The following DYNC2H1 variants were observed in gnomAD, a reference collection of about 807,000 sequenced individuals.
The protein encoded by DYNC2H1 is dynein cytoplasmic 2 heavy chain 1.
DYNC2H1 carries 410 observed loss-of-function variants against 570.0 expected under a neutral mutation model. That is an observed-to-expected ratio of 0.72 (90% confidence interval 0.66 to 0.78). The LOEUF (loss-of-function observed/expected upper bound fraction) is 0.78. Ranked by LOEUF, DYNC2H1 falls within the 30% of genes least tolerant of loss-of-function variation. The probability of loss-of-function intolerance (pLI) is 0.00; values close to 1 mark genes in which losing one functional copy is unlikely to be tolerated. For synonymous variants in DYNC2H1, 1,688 were observed against 1,677.6 expected, an observed-to-expected ratio of 1.01 and a Z score of -0.15; for missense variants, 4,865 against 5,046.4, an observed-to-expected ratio of 0.96 and a Z score of 1.09.
At chr11:103,318,177 A>C (rs189998730) in intron 80 of DYNC2H1, among the ~76,000 whole-genome samples, 11 of 152,320 alleles carry the variant, frequency 7.2e-5, no homozygotes, top group Admixed American at 2.6e-4. Flanking sequence ...AAGTACTTAC[A>C]AGATTATGGC....
intron 84 of DYNC2H1, among the ~76,000 whole-genome samples, chr11:103,413,950 T>A (rs1380658971): frequency 6.6e-6 from 1 of 152,128 alleles, no homozygotes; most frequent in Non-Finnish European, 1.5e-5. Flanking sequence ...TTTTCATTCA[T>A]TTAGCAAATA....
intron 75 of DYNC2H1, among the ~76,000 whole-genome samples, chr11:103,296,201 G>T (rs1280292028): frequency 1.3e-5 from 2 of 152,064 alleles, no homozygotes; most frequent in South Asian, 4.2e-4. Flanking sequence ...TTGTATGAAG[G>T]TATTTTCTTG....
chr11:103,114,534 G>A (rs750520655), intron 3 of DYNC2H1, among the ~76,000 whole-genome samples: 4 of 152,138 alleles, frequency 2.6e-5, no homozygotes, highest in Non-Finnish European at 4.4e-5. Context: ...TGCCCAGGCT[G>A]GTGTCAAACT....
At chr11:103,471,923 C>T (rs570246639) in intron 88 of DYNC2H1, among the ~76,000 whole-genome samples, 5 of 152,294 alleles carry the variant, frequency 3.3e-5, no homozygotes, top group Admixed American at 2.6e-4. Flanking sequence ...CAGATGACCT[C>T]GCTGAGAGAG....
chr11:103,271,198 GT>G (rs1865697809), intron 70 of DYNC2H1, among the ~76,000 whole-genome samples: 1 of 152,174 alleles, frequency 6.6e-6, no homozygotes, highest in South Asian at 2.1e-4. Context: ...AAAAGTGGAA[GT>G]TCTGTGGTTG....
intron 83 of DYNC2H1, among the ~76,000 whole-genome samples, chr11:103,381,169 C>G (rs969840672): frequency 6.6e-6 from 1 of 152,044 alleles, no homozygotes; most frequent in African/African-American, 2.4e-5. Flanking sequence ...GTTCTAAGAG[C>G]AAGGTGGGTG....
At chr11:103,119,473 GGGACTACA>G (rs1858584513) in intron 6 of DYNC2H1, among the ~76,000 whole-genome samples, 1 of 152,102 alleles carries the variant, frequency 6.6e-6, no homozygotes, top group Admixed American at 6.5e-5. Flanking sequence ...CTGAGTAGCT[GGGACTACA>G]GGTGCACGCC....
At chr11:103,428,514 T>C (rs1943762291) in intron 84 of DYNC2H1, among the ~76,000 whole-genome samples, 1 of 152,198 alleles carries the variant, frequency 6.6e-6, no homozygotes, top group Non-Finnish European at 1.5e-5. Flanking sequence ...CAAAATTTAC[T>C]GTGTTAACCA....
chr11:103,143,094 C>CT (rs1392680775), intron 17 of DYNC2H1, among the ~76,000 whole-genome samples, 174 bp from the exon 18 acceptor site: 2 of 152,244 alleles, frequency 1.3e-5, no homozygotes, highest in Non-Finnish European at 2.9e-5. Flanking sequence ...TATTAAATCT[C>CT]TTTTTTCTGT....
intron 84 of DYNC2H1, among the ~76,000 whole-genome samples, chr11:103,422,253 A>G (rs1943512551): frequency 6.6e-6 from 1 of 152,196 alleles, no homozygotes; most frequent in African/African-American, 2.4e-5. Context: ...GCTGAATTCT[A>G]CCAGAGGTAC....
chr11:103,295,221 C>A (rs1476367658), intron 75 of DYNC2H1, among the ~76,000 whole-genome samples: 1 of 152,208 alleles, frequency 6.6e-6, no homozygotes, highest in East Asian at 1.9e-4. Context: ...CCTTCTGAAG[C>A]AGAGGACTTC....
chr11:103,155,457 C>T lies in DYNC2H1; in HGVS notation c.3700C>T (p.Leu1234Phe), dbSNP rs2134890455. ...AGAGAAACTACTGTTTGGTGATTTG[C>T]TCAGAGTAGCTGATACAATTGTAGC... Reference protein sequence around the residue: ...SLEKLLFGDLLRVADTIVAKA... With the variant: ...SLEKLLFGDLFRVADTIVAKA... Residue 1234 changes from leucine (L) to phenylalanine (F), a missense_variant, in exon 25 of 89, where the codon CTC becomes TTC. Leu to Phe is a conservative substitution (Grantham distance 22). This residue lies in a region of DYNC2H1 where 1,936 missense variants were observed against 1,962.1 expected (regional missense o/e 0.99). Transcript: ENST00000375735. The T allele has an allele frequency of 6.2e-7, 1 of 1,612,068 alleles. No individual in the cohort carries two copies. The highest frequency in any genetic ancestry group is 8.5e-7 in the Non-Finnish European group (1 of 1,178,954).
intron 65 of DYNC2H1, among the ~76,000 whole-genome samples, chr11:103,251,115 TTGAGATAAATATCCTAAAG>T (rs1333361132): frequency 6.6e-6 from 1 of 152,112 alleles, no homozygotes; most frequent in East Asian, 1.9e-4. Flanking sequence ...TTATCGTGTA[TTGAGATAAATATCCTAAAG>T]TTTCTGTGAT....
rs1225100110 is a variant in DYNC2H1 at position 103,408,061 on chromosome 11, T to C, written c.12366+8189T>C. The C allele has an allele frequency of 2.0e-5, 3 of 151,952 alleles. No individual in the cohort carries two copies. In the East Asian group the frequency reaches 5.8e-4, roughly 29 times the overall value. The allele number at this position is 151,952 out of a possible 1,614,324, so 9.4% of individuals were successfully genotyped here. A position where few individuals can be genotyped will look rare whatever the true frequency, so the allele number is the denominator to read the frequency against. ...AGATGGCTAGGCTTGATGTGGCTAG[T>C]ATAAATAGGAGGCCTTTATTTAAAA... On this transcript the variant is annotated intron_variant, in intron 84 of 88. Transcript: ENST00000375735.
intron 70 of DYNC2H1, among the ~76,000 whole-genome samples, chr11:103,274,519 AT>A (rs1216558584): frequency 6.6e-6 from 1 of 151,412 alleles, no homozygotes; most frequent in East Asian, 1.9e-4. Context: ...ACTATATGTT[AT>A]TATAATCATT....
At chr11:103,190,808 C>T (rs1483559271) in intron 45 of DYNC2H1, among the ~76,000 whole-genome samples, 1 of 151,948 alleles carries the variant, frequency 6.6e-6, no homozygotes, top group Non-Finnish European at 1.5e-5. Context: ...TTGATTTGTT[C>T]AGTGACTTCT....
intron 84 of DYNC2H1, among the ~76,000 whole-genome samples, chr11:103,416,576 A>C (rs1436148985): frequency 1.3e-5 from 2 of 152,234 alleles, no homozygotes; most frequent in Non-Finnish European, 2.9e-5. Flanking sequence ...TTTCCTTTTT[A>C]ATAAATGGTG....
At chr11:103,423,408 TAAAAAAAAAAAAAAAAAA>T (rs60223334) in intron 84 of DYNC2H1, among the ~76,000 whole-genome samples, 1 of 120,430 alleles carries the variant, frequency 8.3e-6, no homozygotes, top group East Asian at 2.2e-4. Context: ...GCCAAAAAAG[TAAAAAAAAAAAAAAAAAA>T]AAAAAAAAAA....
rs540494964 is a variant in DYNC2H1, at chr11:103,323,518, G to A, written c.11935-368G>A. ...TGCTTAATTTAACATGAGCAGAACT[G>A]CACTCTGCAGATTGGTCTTTGGTAA... On this transcript the variant is annotated intron_variant, in intron 81 of 88. Transcript: ENST00000375735. 2.0e-5 allele frequency among the ~76,000 whole-genome samples: 3 copies of A among 151,802 alleles called. No homozygotes were observed. The South Asian group carries it at 6.2e-4, about 31-fold the overall frequency.
Sources: allele counts gnomAD v4.1 joint callset (sites outside exome capture counted in the v4.1 genomes callset), GRCh38; gene constraint gnomAD v4.1.1; regional missense constraint gnomAD v4.1.1; transcripts MANE v1.5; gene names NCBI Gene and HGNC (gene_info 2026-07-23, HGNC 2026-07-21).